CR1: variants seen among roughly 807,000 people sequenced by gnomAD.
CR1 encodes the protein complement receptor type 1.
A neutral mutation model predicts 187.3 loss-of-function variants in CR1; 116 were observed. That is an observed-to-expected ratio of 0.62 (90% CI 0.53 to 0.72). The LOEUF (loss-of-function observed/expected upper bound fraction) is 0.72. Among genes scored for constraint, CR1 ranks in the 30% least tolerant of loss-of-function variants. The pLI is 0.00. For missense variants in CR1, 1,731 were observed against 2,110.7 expected (o/e 0.82, Z 3.52); for synonymous variants, 576 against 747.1 (o/e 0.77, Z 3.73).
chr1:207,598,421 C>CTTTT (rs11392366), intron 35 of CR1, among the ~76,000 whole-genome samples: 7 of 148,596 alleles, frequency 4.7e-5, no homozygotes, highest in African/African-American at 4.9e-5. Context: ...AAGACAAGAA[C>CTTTT]TTTTTTTTTT....
At chr1:207,518,011 C>T (rs559846563) in intron 4 of CR1, among the ~76,000 whole-genome samples, 5 of 152,146 alleles carry the variant, frequency 3.3e-5, no homozygotes, top group Non-Finnish European at 7.4e-5. Context: ...CTGCTTTAAG[C>T]TTTGTGTATT....
rs1662268888 is a variant in CR1 at position 207,620,037 on chromosome 1, G to A, written c.7224G>A (p.Trp2408Ter). ...GCCAGTGCCAGGCGGATGACAGATG[G>A]GACCCTCCTCTGGCCAAATGTACCT... ...PWSQCQADDRWDPPLAKCTSR... is the reference protein window; with the variant it reads ...PWSQCQADDR Residue 2408 changes from tryptophan to a stop codon, truncating the protein, a stop_gained, in exon 43 of 47, where the codon TGG becomes TGA. Transcript: ENST00000367049. LOFTEE classifies it high-confidence loss of function. 2 of 1,612,658 alleles carry A rather than the reference G, an allele frequency of 1.2e-6. No individual in the cohort carries two copies. Among genetic ancestry groups the A allele is most frequent in the Non-Finnish European group, 1.7e-6 (2 of 1,179,622 alleles).
Position 207,584,837 on chromosome 1 carries a change from A to G in CR1, c.5491A>G (p.Ser1831Gly). ...TSDPHGNGVW[S>G]SPAPRCELSV... ...TGACCCTCATGGGAATGGGGTTTGG[A>G]GCAGCCCTGCCCCTCGCTGTGAACT... The change falls in exon 33 of 47, where the codon AGC becomes GGC. Residue 1831 changes from serine (S) to glycine (G), a missense_variant. Ser to Gly is a moderately conservative substitution (Grantham distance 56, BLOSUM62 0). This residue lies in a region of CR1 where 1,312 missense variants were observed against 1,379.6 expected (regional missense o/e 0.95). Transcript: ENST00000367049. 1 of 1,613,922 alleles carries G rather than the reference A, an allele frequency of 6.2e-7. No homozygotes were observed. Among genetic ancestry groups the G allele is most frequent in the East Asian group, 2.2e-5 (1 of 44,878 alleles).
chr1:207,618,911 C>T (rs55689611), intron 42 of CR1, among the ~76,000 whole-genome samples: 16 of 150,236 alleles, frequency 1.1e-4, no homozygotes, highest in African/African-American at 3.2e-4. Flanking sequence ...TGGTGGTGCG[C>T]GCCTATAGTC....
chr1:207,500,302 A>T lies in CR1; in HGVS notation c.121+3914A>T, dbSNP rs375121451. 7.2e-5 allele frequency among the ~76,000 whole-genome samples: 11 copies of T among 152,344 alleles called. No homozygotes were observed. The East Asian group carries it at 1.2e-3, about 16-fold the overall frequency. On this transcript the variant is annotated intron_variant, in intron 1 of 46. Coordinates refer to ENST00000367049, the MANE Select transcript of CR1 (RefSeq NM_000651.6). ...TTATGTTCGTGTACATATATAATTT[A>T]TAAATTTATATATTTGAAAGGGCAT... is the stretch of plus-strand genomic sequence containing the variant.
chr1:207,518,372 C>G (rs1010606306), intron 4 of CR1, among the ~76,000 whole-genome samples: 1 of 152,134 alleles, frequency 6.6e-6, no homozygotes, highest in Non-Finnish European at 1.5e-5. Context: ...GCTTCATTTT[C>G]TAGAAATGTC....
At chr1:207,616,931 C>T in intron 41 of CR1, 129 bp downstream of exon 41, 1 of 1,317,172 alleles carries the variant, frequency 7.6e-7, no homozygotes, top group African/African-American at 1.5e-5. Context: ...ACAGAACTAC[C>T]TCCCAAGTGA....
At chr1:207,610,495 G>T (rs998878178) in intron 37 of CR1, among the ~76,000 whole-genome samples, 1 of 151,970 alleles carries the variant, frequency 6.6e-6, no homozygotes, top group Non-Finnish European at 1.5e-5. Context: ...ACCACACCTG[G>T]CTAATTTTTA....
intron 4 of CR1, among the ~76,000 whole-genome samples, chr1:207,520,968 G>GTTTTTTTT (rs141546660): frequency 4.7e-4 from 21 of 44,568 alleles, no homozygotes; most frequent in Admixed American, 1.1e-3. Flanking sequence ...TTTTTTGGTT[G>GTTTTTTTT]TTTTTTTTTT....
intron 36 of CR1, 22 bp downstream of exon 36, chr1:207,607,358 C>T: frequency 6.4e-7 from 1 of 1,563,340 alleles, no homozygotes. Flanking sequence ...TACTTTTCTC[C>T]ACAAATTCCT....
At chr1:207,496,441 C>G in intron 1 of CR1, 53 bp downstream of exon 1, 1 of 1,536,756 alleles carries the variant, frequency 6.5e-7, no homozygotes, top group Non-Finnish European at 8.8e-7. Context: ...GAACCCGGGG[C>G]CCCGCAGAGA....
intron 46 of CR1, among the ~76,000 whole-genome samples, chr1:207,637,203 A>AT (rs202075085): frequency 0.024 from 3,665 of 152,148 alleles, 161 homozygotes; most frequent in African/African-American, 0.084. Context: ...AAAGACTGTA[A>AT]TTTTTTAGCT....
At chr1:207,510,417 C>G (rs1355891680) in intron 3 of CR1, among the ~76,000 whole-genome samples, 1 of 152,188 alleles carries the variant, frequency 6.6e-6, no homozygotes, top group Non-Finnish European at 1.5e-5. Flanking sequence ...CTTACATACT[C>G]ATAAAGCAAA....
chr1:207,629,482 C>T (rs533884539), intron 45 of CR1, among the ~76,000 whole-genome samples: 1 of 152,182 alleles, frequency 6.6e-6, no homozygotes. Context: ...TATACCACTC[C>T]ACTCTTCCTC....
rs763296805 is a variant in CR1 at position 207,506,049 on chromosome 1, C to A, written c.267C>A (p.Asn89Lys). The change falls in exon 2 of 47, where the codon AAC (asparagine) becomes AAA (lysine). Residue 89 changes from asparagine (N) to lysine (K), a missense_variant. Physicochemically the swap from Asn to Lys is moderately conservative, Grantham distance 94. This residue lies in a region of CR1 where 237 missense variants were observed against 240.4 expected (regional missense o/e 0.99). Coordinates refer to ENST00000367049, the MANE Select transcript of CR1 (RefSeq NM_000651.6). ...GRPFSIICLK[N>K]SVWTGAKDRC... is the part of the protein sequence containing the mutation. Reference sequence around the variant, plus strand: ...CGTTTTCTATCATCTGCCTAAAAAACTCAGTCTGGACTGGTGCTAAGGACA... The same window carrying A: ...CGTTTTCTATCATCTGCCTAAAAAAATCAGTCTGGACTGGTGCTAAGGACA... 1.2e-6 allele frequency: 2 copies of A among 1,613,838 alleles called. No homozygotes were observed. The highest frequency in any genetic ancestry group is 1.3e-5 in the African/African-American group (1 of 74,926).
intron 46 of CR1, among the ~76,000 whole-genome samples, chr1:207,635,308 G>A (rs935167483): frequency 6.6e-6 from 1 of 152,106 alleles, no homozygotes; most frequent in Non-Finnish European, 1.5e-5. Context: ...GGTGTTTCTC[G>A]GAGAGGGGGA....
In CR1 at chr1:207,640,708, A is replaced by G. The variant is rs1662958822; in HGVS notation, c.*1299A>G. On this transcript the variant is annotated 3_prime_UTR_variant, in exon 47 of 47. Coordinates refer to ENST00000367049, the MANE Select transcript of CR1 (RefSeq NM_000651.6). The stretch of plus-strand genomic sequence containing the variant: ...GAGAACAAAAATGTGTTATGATATT[A>G]TGGGCCATGCTAATGACCTCTAGAA... 1 of 152,240 alleles carries G rather than the reference A, an allele frequency of 6.6e-6. No individual in the cohort carries two copies. Among genetic ancestry groups the G allele is most frequent in the South Asian group, 2.1e-4 (1 of 4,834 alleles). The allele number at this position is 152,240 out of a possible 1,614,324, so 9.4% of individuals were successfully genotyped here. A position where few individuals can be genotyped will look rare whatever the true frequency, so the allele number is the denominator to read the frequency against.
At chr1:207,627,986 C>T (rs1662531859) in intron 45 of CR1, among the ~76,000 whole-genome samples, 1 of 152,170 alleles carries the variant, frequency 6.6e-6, no homozygotes, top group Non-Finnish European at 1.5e-5. Flanking sequence ...GATCTAATTA[C>T]TTCTCAAAGG....
intron 35 of CR1, among the ~76,000 whole-genome samples, chr1:207,592,508 G>A (rs1661301136): frequency 6.6e-6 from 1 of 152,168 alleles, no homozygotes; most frequent in African/African-American, 2.4e-5. Context: ...GGCAAATGCT[G>A]GAAGCATGCG....
Sources: gnomAD v4.1 joint callset for allele counts (sites outside exome capture counted in the v4.1 genomes callset) on GRCh38, gnomAD v4.1.1 for gene constraint, gnomAD v4.1.1 regional missense constraint, MANE v1.5 for transcripts, NCBI Gene and HGNC (gene_info 2026-07-23, HGNC 2026-07-21) for gene names.